The following MSL2 variants were observed in gnomAD, a reference collection of about 807,000 sequenced individuals.
MSL2 encodes the protein E3 ubiquitin-protein ligase MSL2.
Under a neutral mutation model 35.8 loss-of-function variants are expected in MSL2, and 2 were observed. The ratio of observed to expected loss-of-function variants is 0.06; its 90% CI spans 0.02 to 0.18. The LOEUF is 0.18. Ranked by LOEUF, MSL2 falls within the 10% of genes least tolerant of loss-of-function variation. The pLI, the probability that MSL2 is intolerant of heterozygous loss-of-function variation, is 1.00. For synonymous variants in MSL2, 296 were observed against 255.7 expected (o/e 1.16, Z -1.50); for missense variants, 523 against 706.7 (o/e 0.74, Z 2.95).
At chr3:136,179,809 G>A (rs904520813) in intron 1 of MSL2, among the ~76,000 whole-genome samples, 2 of 152,206 alleles carry the variant, frequency 1.3e-5, no homozygotes, top group African/African-American at 4.8e-5. Flanking sequence ...GCTCACACCT[G>A]TAATCACAGC....
intron 1 of MSL2, among the ~76,000 whole-genome samples, chr3:136,162,752 A>C (rs187766171): frequency 6.6e-6 from 1 of 152,348 alleles, no homozygotes; most frequent in Non-Finnish European, 1.5e-5. Context: ...GAAAACCAAA[A>C]TAAAGTAACC....
intron 1 of MSL2, among the ~76,000 whole-genome samples, chr3:136,191,531 G>C (rs534432861): frequency 1.3e-5 from 2 of 151,298 alleles, no homozygotes; most frequent in East Asian, 3.9e-4. Context: ...TGTAATGCCT[G>C]CACTTTGGGA....
Position 136,195,385 on chromosome 3 carries a change from G to C in MSL2, c.-272C>G, listed in dbSNP as rs1304868714. ...CGAGTTCGTCCGGAGCGACCACAGA[G>C]CGCAGAACGCGGCGGCTTGGGCGCT... is the stretch of plus-strand genomic sequence containing the variant. On this transcript the variant is annotated 5_prime_UTR_variant, in exon 1 of 2. Coordinates refer to ENST00000309993, the MANE Select transcript of MSL2 (RefSeq NM_018133.4). 8.5e-7 allele frequency: 1 copy of C among 1,181,482 alleles called. No individual in the cohort carries two copies. The highest frequency in any genetic ancestry group is 1.0e-6 in the Non-Finnish European group (1 of 952,924). The allele number at this position is 1,181,482 out of a possible 1,614,324, so 73.2% of individuals were successfully genotyped here. A position where few individuals can be genotyped will look rare whatever the true frequency, so the allele number is the denominator to read the frequency against.
At chr3:136,157,538 G>A (rs575839247) in intron 1 of MSL2, among the ~76,000 whole-genome samples, 1 of 152,076 alleles carries the variant, frequency 6.6e-6, no homozygotes, top group Admixed American at 6.6e-5. Context: ...ACAGATTAGG[G>A]CAGAAACCAA....
rs766514293 is a variant in MSL2 at position 136,151,789 on chromosome 3, T to A, written c.1092A>T (p.Pro364=). The A allele has an allele frequency of 1.2e-6, 2 of 1,614,190 alleles. No individual in the cohort carries two copies. The highest frequency in any genetic ancestry group is 2.2e-5 in the South Asian group (2 of 91,088). Residue 364 remains proline, a synonymous_variant, in exon 2 of 2, where the codon CCA becomes CCT. Coordinates refer to ENST00000309993, the MANE Select transcript of MSL2 (RefSeq NM_018133.4). The surrounding 1 kb of genome is among the most constrained non-coding windows in gnomAD (Gnocchi z 5.2). ...TCACAGGAGCAGATGCCCCCAGTGT[T>A]GGGCCTCGGATAATGGTAGAAATTG... ...PLPISTIIRG[P]TLGASAPVTV...
intron 1 of MSL2, among the ~76,000 whole-genome samples, chr3:136,178,367 A>G (rs999249001): frequency 1.3e-5 from 2 of 152,182 alleles, no homozygotes; most frequent in Admixed American, 6.6e-5. Flanking sequence ...TAATCAATAA[A>G]CCAACATAAA....
At chr3:136,178,939 T>G (rs1019717117) in intron 1 of MSL2, among the ~76,000 whole-genome samples, 4 of 151,568 alleles carry the variant, frequency 2.6e-5, no homozygotes, top group African/African-American at 9.7e-5. Flanking sequence ...ACTCCAGCTC[T>G]GAGGATGCTG....
At chr3:136,160,235 C>A (rs1161477689) in intron 1 of MSL2, among the ~76,000 whole-genome samples, 1 of 130,894 alleles carries the variant, frequency 7.6e-6, no homozygotes, top group Non-Finnish European at 1.6e-5. Context: ...AAGATGGTGC[C>A]AATGCACTCC....
intron 1 of MSL2, among the ~76,000 whole-genome samples, chr3:136,183,884 T>G (rs1196742252): frequency 6.6e-6 from 1 of 152,248 alleles, no homozygotes; most frequent in Non-Finnish European, 1.5e-5. Flanking sequence ...ATGTTTTAAC[T>G]GACCAGAAAT....
intron 1 of MSL2, among the ~76,000 whole-genome samples, chr3:136,158,332 AAG>A (rs1491035965): frequency 2.6e-4 from 40 of 151,858 alleles, no homozygotes; most frequent in African/African-American, 8.9e-4. Context: ...AAAAAAAAAA[AAG>A]AAAATACAAA....
At chr3:136,184,749 AAGGG>A (rs749228267) in intron 1 of MSL2, among the ~76,000 whole-genome samples, 980 of 75,258 alleles carry the variant, frequency 0.013, 26 homozygotes, top group African/African-American at 0.055. Context: ...AAAAAAAAAA[AAGGG>A]GGGGGGGGGG....
intron 1 of MSL2, among the ~76,000 whole-genome samples, chr3:136,185,355 A>G (rs1940489420): frequency 6.6e-6 from 1 of 152,020 alleles, no homozygotes. Context: ...GTTATGCTTT[A>G]ATCCAACAAC....
At chr3:136,187,355 T>G (rs1297101847) in intron 1 of MSL2, among the ~76,000 whole-genome samples, 1 of 152,186 alleles carries the variant, frequency 6.6e-6, no homozygotes, top group Non-Finnish European at 1.5e-5. Flanking sequence ...AATCCTCTTA[T>G]TAGAGACTCC....
At chr3:136,176,395 A>G (rs1940178321) in intron 1 of MSL2, among the ~76,000 whole-genome samples, 1 of 151,490 alleles carries the variant, frequency 6.6e-6, no homozygotes, top group South Asian at 2.1e-4. Context: ...TGCACCTGCA[A>G]TCCCAGCTAC....
At chr3:136,156,987 A>G (rs1163058646) in intron 1 of MSL2, among the ~76,000 whole-genome samples, 2 of 152,266 alleles carry the variant, frequency 1.3e-5, no homozygotes, top group African/African-American at 4.8e-5. Context: ...CATATTGTAA[A>G]GCCCATTTTT....
Position 136,176,731 on chromosome 3 carries a change from C to T in MSL2, c.142+18241G>A, listed in dbSNP as rs151048728. ...CCCTTCTCTCTCTTGCTCCTTCTTT[C>T]GCCATGTGATAGGCCTGCTCCCCTT... On this transcript the variant is annotated intron_variant, in intron 1 of 1. Transcript: ENST00000309993. Among the ~76,000 whole-genome samples, 64 of 152,164 alleles carry T rather than the reference C, an allele frequency of 4.2e-4. No homozygotes were observed. In the East Asian group the frequency reaches 0.011, roughly 26 times the overall value.
At chr3:136,175,204 C>T (rs539989422) in intron 1 of MSL2, among the ~76,000 whole-genome samples, 7 of 152,176 alleles carry the variant, frequency 4.6e-5, no homozygotes, top group South Asian at 4.1e-4. Context: ...AGTAGCCAGA[C>T]GTGGTGGCGC....
At position 136,159,387 on chromosome 3, in the gene MSL2, G is replaced by A. The variant is rs1331277015; in HGVS notation, c.143-6649C>T. 1.7e-3 allele frequency among the ~76,000 whole-genome samples: 190 copies of A among 112,288 alleles called. 2 individuals are homozygous for A. Among genetic ancestry groups the A allele is most frequent in the African/African-American group, 5.4e-3 (147 of 27,328 alleles). 73.7% of individuals were successfully genotyped at this position (112,288 alleles called of 152,430 possible). A position where few individuals can be genotyped will look rare whatever the true frequency, so the allele number is the denominator to read the frequency against. ...TTTTTTTTTTTTTTTTTTTTGAGAC[G>A]GATTCTCGCTCTGTCGCCCAGGCTG... On this transcript the variant is annotated intron_variant, in intron 1 of 1. Transcript: ENST00000309993.
rs991678422 is a variant in MSL2 at position 136,193,072 on chromosome 3, T to C, written c.142+1900A>G. Among the ~76,000 whole-genome samples the C allele has an allele frequency of 2.6e-5, 4 of 152,178 alleles. No homozygotes were observed. In the South Asian group the frequency reaches 8.3e-4, roughly 31 times the overall value. ...AGGATGATGTGAAATAAGAAAGCCC[T>C]GTCAGAAAAATTCCCCTTGTGTTGC... On this transcript the variant is annotated intron_variant, in intron 1 of 1. Transcript: ENST00000309993.
Sources: allele counts gnomAD v4.1 joint callset (sites outside exome capture counted in the v4.1 genomes callset), GRCh38; gene constraint gnomAD v4.1.1; non-coding constraint Gnocchi (gnomAD v3.1); transcripts MANE v1.5; gene names NCBI Gene and HGNC (gene_info 2026-07-23, HGNC 2026-07-21).